The following DCAF10 variants were observed in gnomAD, a reference collection of about 807,000 sequenced individuals.
The protein encoded by DCAF10 is DDB1 and CUL4 associated factor 10, also known as DDB1- and CUL4-associated factor 10.
In DCAF10, 19 loss-of-function variants were observed where a neutral mutation model predicts 51.9. That is an observed-to-expected ratio of 0.37 (90% CI 0.26 to 0.54). The LOEUF is 0.54. Ranked by LOEUF, DCAF10 falls within the 20% of genes least tolerant of loss-of-function variation. The probability of loss-of-function intolerance (pLI) is 0.87; values close to 1 mark genes in which losing one functional copy is unlikely to be tolerated. For synonymous variants in DCAF10, 291 were observed against 297.1 expected, an observed-to-expected ratio of 0.98 and a Z score of 0.21; for missense variants, 510 against 730.6, an observed-to-expected ratio of 0.70 and a Z score of 3.48.
chr9:37,825,313 G>C (rs571717620), intron 2 of DCAF10, among the ~76,000 whole-genome samples: 1 of 152,268 alleles, frequency 6.6e-6, no homozygotes, highest in East Asian at 1.9e-4. Flanking sequence ...CAAAAACATG[G>C]AATCAACCTA....
chr9:37,808,896 A>T (rs1179469561), intron 1 of DCAF10, among the ~76,000 whole-genome samples: 1 of 147,484 alleles, frequency 6.8e-6, no homozygotes. Flanking sequence ...AGGTGGGAGG[A>T]TCTGGCAGGA....
At position 37,808,258 on chromosome 9, in the gene DCAF10, A is replaced by T. The variant is rs564939248; in HGVS notation, c.539+6853A>T. Among the ~76,000 whole-genome samples the T allele has an allele frequency of 7.9e-5, 12 of 151,126 alleles. No homozygotes were observed. The East Asian group carries it at 2.3e-3, about 29-fold the overall frequency. ...AGACCATCCTTACAAAAAATACAAA[A>T]ATTAGCCAGTTGTGGGGCTCATGCC... On this transcript the variant is annotated intron_variant, in intron 1 of 6. Transcript: ENST00000377724.
intron 1 of DCAF10, among the ~76,000 whole-genome samples, chr9:37,808,592 TATATA>T (rs1409558129): frequency 8.5e-5 from 9 of 105,826 alleles, no homozygotes; most frequent in South Asian, 2.5e-4. Flanking sequence ...AAAATATATT[TATATA>T]ATATAATATA....
chr9:37,824,034 C>T (rs1026722397), intron 2 of DCAF10, among the ~76,000 whole-genome samples: 14 of 152,008 alleles, frequency 9.2e-5, no homozygotes, highest in Admixed American at 3.9e-4. Flanking sequence ...GCATGTGCCA[C>T]CACACTCAGC....
intron 1 of DCAF10, 102 bp from the exon 2 acceptor site, chr9:37,819,186 A>C (rs1829633508): frequency 7.9e-6 from 7 of 884,728 alleles, no homozygotes; most frequent in Admixed American, 2.9e-5. Context: ...GGCAAAAAAA[A>C]AAAGTTATTT....
intron 1 of DCAF10, among the ~76,000 whole-genome samples, chr9:37,808,518 A>C (rs1348650760): frequency 8.6e-6 from 1 of 116,328 alleles, no homozygotes; most frequent in Non-Finnish European, 1.7e-5. Flanking sequence ...ATATTTATAT[A>C]ATATATTATA....
At chr9:37,820,156 T>C (rs1485166801) in intron 2 of DCAF10, among the ~76,000 whole-genome samples, 3 of 152,190 alleles carry the variant, frequency 2.0e-5, no homozygotes, top group Non-Finnish European at 2.9e-5. Context: ...AATAGGTAAA[T>C]TACTAGTCAA....
At chr9:37,858,328 T>C (rs1357080821) in intron 5 of DCAF10, among the ~76,000 whole-genome samples, 2 of 152,218 alleles carry the variant, frequency 1.3e-5, no homozygotes, top group Non-Finnish European at 2.9e-5. Flanking sequence ...AGTATAACAT[T>C]TTTCCTTTGA....
chr9:37,862,548 G>C lies in DCAF10; in HGVS notation c.*1040G>C, dbSNP rs944017282. 2.0e-5 allele frequency: 3 copies of C among 152,202 alleles called. No individual in the cohort carries two copies. Among genetic ancestry groups the C allele is most frequent in the African/African-American group, 7.2e-5 (3 of 41,446 alleles). 9.4% of individuals were successfully genotyped at this position (152,202 alleles called of 1,614,324 possible). ...AAGCCAACTCTGTCACCATTCGTGA[G>C]GGGAGAGTTGCAGTCCTCTTCAAGC... On this transcript the variant is annotated 3_prime_UTR_variant, in exon 7 of 7. Coordinates refer to ENST00000377724, the MANE Select transcript of DCAF10 (RefSeq NM_024345.5).
chr9:37,841,442 C>A (rs913054479), intron 2 of DCAF10, among the ~76,000 whole-genome samples: 18 of 152,064 alleles, frequency 1.2e-4, no homozygotes, highest in African/African-American at 4.1e-4. Context: ...TATATTCTCA[C>A]TAAGGATTGA....
intron 2 of DCAF10, among the ~76,000 whole-genome samples, chr9:37,820,635 A>T (rs1052337856): frequency 6.6e-6 from 1 of 152,148 alleles, no homozygotes; most frequent in Admixed American, 6.6e-5. Flanking sequence ...TATCATGATT[A>T]AAATGGAGCC....
At chr9:37,820,698 T>C (rs1458071412) in intron 2 of DCAF10, among the ~76,000 whole-genome samples, 1 of 152,060 alleles carries the variant, frequency 6.6e-6, no homozygotes, top group Non-Finnish European at 1.5e-5. Context: ...GATGGCCAAG[T>C]GGGAGCAACT....
At chr9:37,811,763 G>A (rs1387294494) in intron 1 of DCAF10, among the ~76,000 whole-genome samples, 2 of 152,054 alleles carry the variant, frequency 1.3e-5, no homozygotes, top group African/African-American at 4.8e-5. Context: ...AAATATAAAT[G>A]GAGTTTCAGA....
chr9:37,855,036 A>G, intron 4 of DCAF10, 54 bp downstream of exon 4: 1 of 1,491,594 alleles, frequency 6.7e-7, no homozygotes, highest in Non-Finnish European at 9.1e-7. Flanking sequence ...TCAAACATAG[A>G]GATGGTATAG....
chr9:37,836,629 GA>G (rs112729555), intron 2 of DCAF10, among the ~76,000 whole-genome samples: 29,062 of 152,126 alleles, frequency 0.19, 3,159 homozygotes, highest in African/African-American at 0.29. Context: ...CAACAAACAT[GA>G]GCAAACCACT....
chr9:37,850,954 T>C (rs1830633938), intron 3 of DCAF10, among the ~76,000 whole-genome samples: 1 of 148,828 alleles, frequency 6.7e-6, no homozygotes, highest in Non-Finnish European at 1.5e-5. Flanking sequence ...AAAAAACTCA[T>C]TTTTTTAGGC....
chr9:37,833,619 C>G (rs892625326), intron 2 of DCAF10, among the ~76,000 whole-genome samples: 22 of 152,134 alleles, frequency 1.4e-4, no homozygotes, highest in Non-Finnish European at 4.4e-5. Flanking sequence ...CAGATGTCAG[C>G]TTACCCATAG....
At chr9:37,838,491 A>T (rs1177052268) in intron 2 of DCAF10, among the ~76,000 whole-genome samples, 1 of 152,236 alleles carries the variant, frequency 6.6e-6, no homozygotes, top group African/African-American at 2.4e-5. Context: ...ATACTTAGAG[A>T]AATACATAGG....
intron 1 of DCAF10, among the ~76,000 whole-genome samples, chr9:37,805,119 G>A (rs749307295): frequency 6.6e-6 from 1 of 152,198 alleles, no homozygotes; most frequent in Non-Finnish European, 1.5e-5. Flanking sequence ...GTATGTACAT[G>A]TTAATCTGAT....
Sources: gnomAD v4.1 joint callset for allele counts (sites outside exome capture counted in the v4.1 genomes callset) on GRCh38, gnomAD v4.1.1 for gene constraint, MANE v1.5 for transcripts, NCBI Gene and HGNC (gene_info 2026-07-23, HGNC 2026-07-21) for gene names.